NAALAD2: variants seen among roughly 807,000 people sequenced by gnomAD.
NAALAD2 encodes the protein N-acetylated alpha-linked acidic dipeptidase 2.
In NAALAD2, 89 loss-of-function variants were observed where a neutral mutation model predicts 95.6. The ratio of observed to expected loss-of-function variants is 0.93; its 90% CI spans 0.78 to 1.11. The LOEUF (loss-of-function observed/expected upper bound fraction) is 1.11. Ranked by LOEUF, NAALAD2 falls within the 50% of genes least tolerant of loss-of-function variation. The pLI is 0.00. For missense variants in NAALAD2, 894 were observed against 872.4 expected (o/e 1.02, Z -0.31); for synonymous variants, 264 against 294.4 (o/e 0.90, Z 1.06).
rs757267728 is a variant in NAALAD2 at position 90,191,971 on chromosome 11, G to A, written c.*224G>A. Reference sequence around the variant, plus strand: ...TAATGAAGTAAAAAACTCCTGTGTGGCAGAAAGTAAAAGAAAATTCCCTAA... The same window carrying A: ...TAATGAAGTAAAAAACTCCTGTGTGACAGAAAGTAAAAGAAAATTCCCTAA... On this transcript the variant is annotated 3_prime_UTR_variant, in exon 19 of 19. Transcript: ENST00000534061. 3.4e-5 allele frequency: 10 copies of A among 289,872 alleles called. No homozygotes were observed. Among genetic ancestry groups the A allele is most frequent in the Non-Finnish European group, 5.7e-5 (9 of 158,574 alleles). The allele number at this position is 289,872 out of a possible 1,614,324, so 18.0% of individuals were successfully genotyped here.
At chr11:90,162,389 C>T (rs961779175) in intron 8 of NAALAD2, 3 of 152,114 alleles carry the variant, frequency 2.0e-5, no homozygotes, top group African/African-American at 4.8e-5. Flanking sequence ...CCCAAATTCT[C>T]ATTTAACAAC....
chr11:90,158,986 A>T, intron 7 of NAALAD2: 1 of 393,952 alleles, frequency 2.5e-6, no homozygotes, highest in Non-Finnish European at 4.6e-6. Flanking sequence ...TAGCCTTCCC[A>T]TTTGCCATGA....
intron 8 of NAALAD2, chr11:90,162,595 AT>A (rs1387686790): frequency 6.5e-6 from 1 of 153,576 alleles, no homozygotes; most frequent in East Asian, 1.9e-4. Context: ...ACTGGGGTAT[AT>A]TTTTACATTT....
intron 18 of NAALAD2, among the ~76,000 whole-genome samples, chr11:90,188,501 G>GT (rs1294822198): frequency 7.2e-5 from 11 of 152,166 alleles, no homozygotes; most frequent in African/African-American, 2.7e-4. Context: ...TACAAGATCA[G>GT]TGTCAACCAA....
At chr11:90,183,934 C>G (rs772656908) in intron 18 of NAALAD2, among the ~76,000 whole-genome samples, 6 of 152,116 alleles carry the variant, frequency 3.9e-5, no homozygotes, top group South Asian at 2.1e-4. Flanking sequence ...ATCTGTATCT[C>G]TACATCATGT....
intron 11 of NAALAD2, among the ~76,000 whole-genome samples, chr11:90,166,398 C>T (rs1373847914): frequency 6.6e-6 from 1 of 151,966 alleles, no homozygotes; most frequent in Admixed American, 6.5e-5. Flanking sequence ...TTTTTTCTTT[C>T]ACTTCATATA....
At position 90,135,770 on chromosome 11, in the gene NAALAD2, G is replaced by T; in HGVS notation, c.194+100G>T. ...TATATGCATGAGGACAGTCTTCTCT[G>T]TGTGAAATTACATATTAGTCATCAA... On this transcript the variant is annotated intron_variant, in intron 2 of 18. Transcript: ENST00000534061. 7 of 827,462 alleles carry T rather than the reference G, an allele frequency of 8.5e-6. No homozygotes were observed. In the South Asian group the frequency reaches 8.7e-5, roughly 10 times the overall value. The allele number at this position is 827,462 out of a possible 1,614,324, so 51.3% of individuals were successfully genotyped here.
At position 90,152,333 on chromosome 11, in the gene NAALAD2, C is replaced by T; in HGVS notation, c.645C>T (p.Ile215=). 3 of 1,609,874 alleles carry T rather than the reference C, an allele frequency of 1.9e-6. No individual in the cohort carries two copies. Among genetic ancestry groups the T allele is most frequent in the Non-Finnish European group, 2.5e-6 (3 of 1,176,804 alleles). The change falls in exon 6 of 19, where the codon ATC becomes ATT. Residue 215 remains isoleucine (I), a synonymous_variant. Transcript: ENST00000534061. ...KNAMLAGAIG[I]ILYSDPADYF... Reference sequence around the variant, plus strand: ...CCATGTTAGCAGGAGCCATAGGAATCATCTTGTACTCAGATCCAGCTGACT... The same window carrying T: ...CCATGTTAGCAGGAGCCATAGGAATTATCTTGTACTCAGATCCAGCTGACT...
At chr11:90,180,076 TG>T (rs1952915713) in intron 16 of NAALAD2, among the ~76,000 whole-genome samples, 6 of 152,056 alleles carry the variant, frequency 3.9e-5, no homozygotes, top group African/African-American at 1.4e-4. Context: ...GATGAATGAA[TG>T]AATGAATGAA....
chr11:90,150,649 A>ACAAGATCTCCC (rs758008031), intron 5 of NAALAD2, 42 bp downstream of exon 5: 1 of 1,430,266 alleles, frequency 7.0e-7, no homozygotes, highest in Non-Finnish European at 9.4e-7. Context: ...GAGAGGATAT[A>ACAAGATCTCCC]TATATTCTGT....
rs539749530 is a variant in NAALAD2 at position 90,170,835 on chromosome 11, ACGTATTT to A, written c.1410+701_1410+707del. On this transcript the variant is annotated intron_variant, in intron 13 of 18. Coordinates refer to ENST00000534061, the MANE Select transcript of NAALAD2 (RefSeq NM_005467.4). ...AAAAAAGATGTGGAGGTTTAAAAGA[ACGTATTT>A]CCTGATCTGAAGGTAGCTCAGCATG... is the stretch of plus-strand genomic sequence containing the variant. Among the ~76,000 whole-genome samples, 16 of 152,284 alleles carry A rather than the reference ACGTATTT, an allele frequency of 1.1e-4. No individual in the cohort carries two copies. The East Asian group carries it at 3.1e-3, about 29-fold the overall frequency.
At chr11:90,151,968 A>C (rs1951899199) in intron 5 of NAALAD2, among the ~76,000 whole-genome samples, 1 of 152,218 alleles carries the variant, frequency 6.6e-6, no homozygotes, top group Non-Finnish European at 1.5e-5. Context: ...AGAGATAGAT[A>C]TTTAATAGAT....
At chr11:90,165,143 CAT>C (rs1397565830) in intron 11 of NAALAD2, among the ~76,000 whole-genome samples, 2 of 152,314 alleles carry the variant, frequency 1.3e-5, no homozygotes, top group African/African-American at 2.4e-5. Context: ...CTGCAAACAA[CAT>C]AGTCTCATCA....
rs765915886 is a variant in NAALAD2 at position 90,178,026 on chromosome 11, C to T, written c.1767C>T (p.Asp589=). The change falls in exon 16 of 19, where the codon GAC becomes GAT. Residue 589 remains aspartate (D), a synonymous_variant. Transcript: ENST00000534061. ...AAATCATTCCTTTTAATATTCAAGA[C>T]TATGCAGAAGCTTTGAAAAACTATG... is the stretch of plus-strand genomic sequence containing the variant. ...DSKIIPFNIQ[D]YAEALKNYAA... is the part of the protein sequence containing the mutation. 3 of 1,613,810 alleles carry T rather than the reference C, an allele frequency of 1.9e-6. No individual in the cohort carries two copies. In the South Asian group the frequency reaches 3.3e-5, roughly 18 times the overall value.
At chr11:90,172,848 A>G (rs1252904692) in intron 13 of NAALAD2, among the ~76,000 whole-genome samples, 1 of 152,174 alleles carries the variant, frequency 6.6e-6, no homozygotes, top group East Asian at 1.9e-4. Flanking sequence ...AGAAAATACC[A>G]GATGTTTATA....
intron 17 of NAALAD2, 151 bp downstream of exon 17, chr11:90,181,852 C>T: frequency 1.7e-6 from 1 of 589,304 alleles, no homozygotes; most frequent in Non-Finnish European, 3.0e-6. Flanking sequence ...TACCTGAGAA[C>T]TTGTTAGAAA....
At chr11:90,169,059 AT>A in intron 12 of NAALAD2, 67 bp downstream of exon 12, 2 of 1,090,906 alleles carry the variant, frequency 1.8e-6, no homozygotes, top group Non-Finnish European at 2.7e-6. Context: ...AACTTTTATT[AT>A]TGAGTAGAAT....
chr11:90,155,788 C>A (rs1590981523), intron 6 of NAALAD2, among the ~76,000 whole-genome samples: 1 of 130,196 alleles, frequency 7.7e-6, no homozygotes. Flanking sequence ...TGTATTATTA[C>A]ATACATATTA....
At chr11:90,187,663 A>G (rs1857194320) in intron 18 of NAALAD2, among the ~76,000 whole-genome samples, 1 of 152,214 alleles carries the variant, frequency 6.6e-6, no homozygotes, top group Admixed American at 6.5e-5. Context: ...CAGGTTAAAA[A>G]TGATCTTGTA....
Sources: allele counts gnomAD v4.1 joint callset (sites outside exome capture counted in the v4.1 genomes callset), GRCh38; gene constraint gnomAD v4.1.1; transcripts MANE v1.5; gene names NCBI Gene and HGNC (gene_info 2026-07-23, HGNC 2026-07-21).